The following MMUT variants were observed in gnomAD, a reference collection of about 807,000 sequenced individuals.
The protein encoded by MMUT is methylmalonyl-CoA mutase, mitochondrial.
In MMUT, 79 loss-of-function variants were observed where a neutral mutation model predicts 79.9. The ratio of observed to expected loss-of-function variants is 0.99; its 90% CI spans 0.82 to 1.19. The LOEUF (loss-of-function observed/expected upper bound fraction) is 1.19, where lower values mean the gene tolerates loss of function less well. MMUT is among the 50% of genes most tolerant of loss of function. The pLI, the probability that MMUT is intolerant of heterozygous loss-of-function variation, is 0.00. For synonymous variants in MMUT, 273 were observed against 295.7 expected (o/e 0.92, Z 0.79); for missense variants, 860 against 917.2 (o/e 0.94, Z 0.81).
intron 1 of MMUT, among the ~76,000 whole-genome samples, chr6:49,460,494 T>C (rs977235385): frequency 6.6e-6 from 1 of 152,220 alleles, no homozygotes; most frequent in African/African-American, 2.4e-5. Flanking sequence ...ATAACTAGCA[T>C]AGACTTTTAT....
chr6:49,459,044 A>C lies in MMUT; in HGVS notation c.385+38T>G, dbSNP rs746950226. On this transcript the variant is annotated intron_variant, in intron 2 of 12. Coordinates refer to ENST00000274813, the MANE Select transcript of MMUT (RefSeq NM_000255.4). ...AAAATAAAAAACTAGGAGGCATATG[A>C]CTTATCATAAATATTATGTCTTACA... 1.9e-6 allele frequency: 3 copies of C among 1,597,080 alleles called. No homozygotes were observed. In the East Asian group the frequency reaches 6.7e-5, roughly 36 times the overall value.
In MMUT at chr6:49,447,730, T is replaced by A; in HGVS notation, c.1500A>T (p.Val500=). Residue 500 remains valine (V), a synonymous_variant, in exon 8 of 13, where the codon GTA becomes GTT. Transcript: ENST00000274813. ...AAGTATTATCAATTGCCAGAACTTC[T>A]ACAGCGTCTTCTTTTTCCAACTGGT... is the stretch of plus-strand genomic sequence containing the variant. ...NKYQLEKEDA[V]EVLAIDNTSV... 1 of 1,612,276 alleles carries A rather than the reference T, an allele frequency of 6.2e-7. No individual in the cohort carries two copies. The highest frequency in any genetic ancestry group is 8.5e-7 in the Non-Finnish European group (1 of 1,178,728).
At position 49,430,890 on chromosome 6, in the gene MMUT, T is replaced by C. The variant is rs1165427201; in HGVS notation, c.*838A>G. 6.6e-6 allele frequency: 1 copy of C among 152,190 alleles called. No homozygotes were observed. The highest frequency in any genetic ancestry group is 2.4e-5 in the African/African-American group (1 of 41,446). The allele number at this position is 152,190 out of a possible 1,614,324, so 9.4% of individuals were successfully genotyped here. The stretch of plus-strand genomic sequence containing the variant: ...CAGGTGTTCTCTGTGATATTTTTAT[T>C]TTTGCAATTTATGTTTAAGGAGCAA... On this transcript the variant is annotated 3_prime_UTR_variant, in exon 13 of 13. Transcript: ENST00000274813.
chr6:49,456,099 T>C lies in MMUT; in HGVS notation c.892A>G (p.Ile298Val). 1 of 1,613,628 alleles carries C rather than the reference T, an allele frequency of 6.2e-7. No individual in the cohort carries two copies. The highest frequency in any genetic ancestry group is 8.5e-7 in the Non-Finnish European group (1 of 1,179,582). The change falls in exon 4 of 13, where the codon ATT (isoleucine) becomes GTT (valine). Residue 298 changes from isoleucine (I) to valine (V), a missense_variant. Coordinates refer to ENST00000274813, the MANE Select transcript of MMUT (RefSeq NM_000255.4). The stretch of plus-strand genomic sequence containing the variant: ...ACTCACCTTGGTGCAAATTCATCAA[T>C]TGTCAGGCCAGCCTGGAGTCCAGTT... ...SRTGLQAGLT[I>V]DEFAPRLSFF...
intron 11 of MMUT, 89 bp downstream of exon 11, chr6:49,440,117 T>G: frequency 6.6e-7 from 1 of 1,512,502 alleles, no homozygotes; most frequent in Non-Finnish European, 9.2e-7. Flanking sequence ...TGTATTAATT[T>G]GCTCAATGTC....
intron 11 of MMUT, 59 bp downstream of exon 11, chr6:49,440,147 T>A: frequency 2.5e-6 from 4 of 1,596,644 alleles, no homozygotes; most frequent in Non-Finnish European, 3.4e-6. Flanking sequence ...TTTACTACAT[T>A]TTCTAAATGT....
intron 3 of MMUT, among the ~76,000 whole-genome samples, chr6:49,456,726 A>G (rs559628384): frequency 1.6e-4 from 25 of 152,292 alleles, no homozygotes; most frequent in Admixed American, 1.5e-3. Context: ...CACAGTAGGA[A>G]AAAAAATAAA....
At chr6:49,450,855 G>A (rs1767534583) in intron 6 of MMUT, among the ~76,000 whole-genome samples, 1 of 152,084 alleles carries the variant, frequency 6.6e-6, no homozygotes, top group Non-Finnish European at 1.5e-5. Flanking sequence ...GCAAAGAGGA[G>A]TCAAAGAACA....
At chr6:49,460,921 G>A (rs1179071616) in intron 1 of MMUT, among the ~76,000 whole-genome samples, 1 of 152,148 alleles carries the variant, frequency 6.6e-6, no homozygotes, top group Non-Finnish European at 1.5e-5. Flanking sequence ...TACATGAAAT[G>A]CTTCAGAAAT....
chr6:49,434,949 A>C (rs1245230329), intron 12 of MMUT, among the ~76,000 whole-genome samples: 1 of 152,182 alleles, frequency 6.6e-6, no homozygotes, highest in Admixed American at 6.5e-5. Flanking sequence ...CTCTGAGGTA[A>C]GATAACATTT....
chr6:49,457,411 G>A (rs775191148), intron 3 of MMUT, among the ~76,000 whole-genome samples: 8 of 152,024 alleles, frequency 5.3e-5, no homozygotes, highest in Non-Finnish European at 7.4e-5. Context: ...TCTGAATTTC[G>A]GAGGGAAATT....
At chr6:49,442,851 G>C (rs1284949482) in intron 9 of MMUT, among the ~76,000 whole-genome samples, 1 of 152,096 alleles carries the variant, frequency 6.6e-6, no homozygotes, top group Admixed American at 6.6e-5. Context: ...AGATGGGCAA[G>C]AGTCACATCT....
intron 3 of MMUT, among the ~76,000 whole-genome samples, 194 bp downstream of exon 3, chr6:49,457,497 A>G (rs958660373): frequency 1.3e-5 from 2 of 152,246 alleles, no homozygotes; most frequent in Non-Finnish European, 2.9e-5. Flanking sequence ...AAAACACAGT[A>G]AAGATCTGTT....
chr6:49,456,190 C>T lies in MMUT; in HGVS notation c.801G>A (p.Gln267=). ...CCAGAATGGCATCAGCCCCTGCTTC[C>T]TGCATATGGTATCCACTAATTGAAA... ...NSISISGYHM[Q]EAGADAILEL... Residue 267 remains glutamine (Q), a synonymous_variant, in exon 4 of 13, where the codon CAG becomes CAA. Transcript: ENST00000274813. The T allele has an allele frequency of 6.2e-7, 1 of 1,612,186 alleles. No homozygotes were observed. The highest frequency in any genetic ancestry group is 1.3e-5 in the African/African-American group (1 of 74,964).
At chr6:49,433,535 A>G (rs1767042039) in intron 12 of MMUT, among the ~76,000 whole-genome samples, 1 of 152,206 alleles carries the variant, frequency 6.6e-6, no homozygotes, top group African/African-American at 2.4e-5. Context: ...TGGGCCAGGG[A>G]TAGCACAGTG....
intron 5 of MMUT, among the ~76,000 whole-genome samples, chr6:49,453,036 TTTG>T (rs1457177349): frequency 5.6e-5 from 7 of 125,314 alleles, no homozygotes; most frequent in Admixed American, 1.0e-4. Flanking sequence ...TCTTTCTTTC[TTTG>T]TTTTTTTTTT....
At chr6:49,451,828 T>C (rs1237477280) in intron 5 of MMUT, 114 bp from the exon 6 acceptor site, 6 of 1,172,900 alleles carry the variant, frequency 5.1e-6, no homozygotes, top group East Asian at 2.5e-5. Context: ...TCAATTTCCA[T>C]ATTAAGCTTC....
intron 5 of MMUT, among the ~76,000 whole-genome samples, chr6:49,453,379 C>A (rs1339265184): frequency 1.3e-5 from 2 of 151,756 alleles, no homozygotes; most frequent in South Asian, 4.2e-4. Flanking sequence ...ATATTGTTAA[C>A]CACCAGAGGG....
chr6:49,459,396 C>G lies in MMUT; in HGVS notation c.71G>C (p.Gly24Ala). 1 of 1,613,342 alleles carries G rather than the reference C, an allele frequency of 6.2e-7. No homozygotes were observed. The highest frequency in any genetic ancestry group is 8.5e-7 in the Non-Finnish European group (1 of 1,179,822). Reference protein sequence around the residue: ...HYLRQVKESSGSRLIQQRLLH... With the variant: ...HYLRQVKESSASRLIQQRLLH... ...AAGTCGTTGCTGTATGAGCCTGGAG[C>G]CTGATGATTCTTTTACCTGCCTCAG... The change falls in exon 2 of 13, where the codon GGC becomes GCC. Residue 24 changes from glycine to alanine, a missense_variant. Gly to Ala is a moderately conservative substitution (Grantham distance 60). Transcript: ENST00000274813.
Sources: gnomAD v4.1 joint callset for allele counts (sites outside exome capture counted in the v4.1 genomes callset) on GRCh38, gnomAD v4.1.1 for gene constraint, MANE v1.5 for transcripts, NCBI Gene and HGNC (gene_info 2026-07-23, HGNC 2026-07-21) for gene names.